PADI4: variants seen among roughly 807,000 people sequenced by gnomAD.
The protein encoded by PADI4 is peptidyl arginine deiminase 4, also known as protein-arginine deiminase type-4.
A neutral mutation model predicts 75.0 loss-of-function variants in PADI4; 62 were observed. That is an observed-to-expected ratio of 0.83 (90% CI 0.67 to 1.02). The LOEUF is 1.02. PADI4 is among the 50% of genes least tolerant of loss of function. The pLI is 0.00. For missense variants in PADI4, 845 were observed against 850.5 expected (o/e 0.99, Z 0.08); for synonymous variants, 361 against 348.1 (o/e 1.04, Z -0.41).
intron 1 of PADI4, among the ~76,000 whole-genome samples, chr1:17,320,228 C>T (rs1226796603): frequency 6.6e-6 from 1 of 151,810 alleles, no homozygotes. Context: ...GCTGCCATCA[C>T]CACAGTTTCC....
At chr1:17,345,793 C>T (rs567652573) in intron 8 of PADI4, among the ~76,000 whole-genome samples, 5 of 152,318 alleles carry the variant, frequency 3.3e-5, no homozygotes, top group Admixed American at 3.3e-4. Flanking sequence ...TCTTTATCAG[C>T]AGCGTGAAAA....
Position 17,358,881 on chromosome 1 carries a change from A to C in PADI4, c.1602A>C (p.Thr534=), listed in dbSNP as rs754388408. The change falls in exon 14 of 16, where the codon ACA becomes ACC. Residue 534 remains threonine, a synonymous_variant. Coordinates refer to ENST00000375448, the MANE Select transcript of PADI4 (RefSeq NM_012387.3). ...TAAAGAACATTCTGTCAAACAAGAC[A>C]TTGAGAGAACATAATTCATTTGTGG... ...QKIKNILSNK[T]LREHNSFVER... The C allele has an allele frequency of 4.4e-6, 7 of 1,608,776 alleles. No homozygotes were observed. The highest frequency in any genetic ancestry group is 5.9e-6 in the Non-Finnish European group (7 of 1,176,992).
chr1:17,314,464 G>A (rs1372699459), intron 1 of PADI4, among the ~76,000 whole-genome samples: 1 of 152,202 alleles, frequency 6.6e-6, no homozygotes, highest in African/African-American at 2.4e-5. Context: ...GAGCCACTGG[G>A]GCATCTCCTG....
chr1:17,363,923 T>G lies in PADI4; in HGVS notation c.*168T>G. On this transcript the variant is annotated 3_prime_UTR_variant, in exon 16 of 16. Coordinates refer to ENST00000375448, the MANE Select transcript of PADI4 (RefSeq NM_012387.3). The stretch of plus-strand genomic sequence containing the variant: ...ATGTCCCAGTTTCCCACTCTGAAGA[T>G]CCCAACATGGTCCTAGCACTGCACA... 8.5e-6 allele frequency: 5 copies of G among 587,906 alleles called. No individual in the cohort carries two copies. Among genetic ancestry groups the G allele is most frequent in the Admixed American group, 3.0e-5 (1 of 33,594 alleles). The allele number at this position is 587,906 out of a possible 1,614,324, so 36.4% of individuals were successfully genotyped here. A position where few individuals can be genotyped will look rare whatever the true frequency, so the allele number is the denominator to read the frequency against.
intron 1 of PADI4, among the ~76,000 whole-genome samples, chr1:17,329,607 G>T (rs533109644): frequency 2.0e-5 from 3 of 152,256 alleles, no homozygotes; most frequent in East Asian, 1.9e-4. Context: ...AGGAAGGGGG[G>T]TTGGTCTTGC....
At position 17,346,457 on chromosome 1, in the gene PADI4, T is replaced by A. The variant is rs2074517921; in HGVS notation, c.1047+318T>A. Among the ~76,000 whole-genome samples the A allele has an allele frequency of 2.0e-5, 3 of 152,082 alleles. No homozygotes were observed. In the East Asian group the frequency reaches 5.8e-4, roughly 29 times the overall value. On this transcript the variant is annotated intron_variant, in intron 9 of 15. Transcript: ENST00000375448. The surrounding 1 kb of genome is among the most constrained non-coding windows in gnomAD (Gnocchi z 4.3). ...AACCAGCCCCTCAAGTGGTCCTCCC[T>A]CCAGGCTGTCCATCTTGGGCCCAGC...
At chr1:17,316,668 A>T (rs6687815) in intron 1 of PADI4, among the ~76,000 whole-genome samples, 13 of 150,442 alleles carry the variant, frequency 8.6e-5, no homozygotes, top group African/African-American at 2.7e-4. Flanking sequence ...CGAGCCTGGG[A>T]GACAGAGTGA....
At chr1:17,349,391 C>T (rs190276532) in intron 10 of PADI4, among the ~76,000 whole-genome samples, 1 of 152,160 alleles carries the variant, frequency 6.6e-6, no homozygotes, top group African/African-American at 2.4e-5. Context: ...CTAAGCACAT[C>T]TGTGTATTCC....
In PADI4 at chr1:17,356,821, G is replaced by C. The variant is rs974405661; in HGVS notation, c.1558+362G>C. 6.6e-6 allele frequency among the ~76,000 whole-genome samples: 1 copy of C among 151,610 alleles called. No homozygotes were observed. The highest frequency in any genetic ancestry group is 2.4e-5 in the African/African-American group (1 of 41,248). Reference sequence around the variant, plus strand: ...AAATGAGAGGAAGAGAGATACCACAGGCAGAGGGACGGGGGTGGGGCGGCT... The same window carrying C: ...AAATGAGAGGAAGAGAGATACCACACGCAGAGGGACGGGGGTGGGGCGGCT... On this transcript the variant is annotated intron_variant, in intron 13 of 15. Transcript: ENST00000375448. The surrounding 1 kb of genome is among the most constrained non-coding windows in gnomAD (Gnocchi z 4.1).
intron 15 of PADI4, among the ~76,000 whole-genome samples, chr1:17,361,679 T>C (rs1313037755): frequency 2.0e-5 from 3 of 152,196 alleles, no homozygotes; most frequent in Non-Finnish European, 4.4e-5. Context: ...AGGGGTGATA[T>C]GACTTGCCTA....
Position 17,340,074 on chromosome 1 carries a change from A to G in PADI4, c.652+261A>G, listed in dbSNP as rs1336354468. ...CGCGCACACACACACACACACACAC[A>G]CACACCTCCTGGTTATAGACTTTGA... is the stretch of plus-strand genomic sequence containing the variant. On this transcript the variant is annotated intron_variant, in intron 6 of 15. Transcript: ENST00000375448. Among the ~76,000 whole-genome samples, 6 of 150,972 alleles carry G rather than the reference A, an allele frequency of 4.0e-5. No individual in the cohort carries two copies. In the South Asian group the frequency reaches 6.3e-4, roughly 16 times the overall value.
Position 17,338,195 on chromosome 1 carries a change from A to G in PADI4, c.526+40A>G, listed in dbSNP as rs116639086. 2.7e-4 allele frequency: 358 copies of G among 1,340,826 alleles called. 1 individual carries two copies. The African/African-American group carries it at 4.8e-3, about 18-fold the overall frequency. The allele number at this position is 1,340,826 out of a possible 1,614,324, so 83.1% of individuals were successfully genotyped here. ...CTAGCTAACGGGAAGGGCTTTTTATAAAGCCCTTTTGCCCACATAGCCTGA... is the reference window on the plus strand; with the variant it reads ...CTAGCTAACGGGAAGGGCTTTTTATGAAGCCCTTTTGCCCACATAGCCTGA... On this transcript the variant is annotated intron_variant, in intron 5 of 15. Coordinates refer to ENST00000375448, the MANE Select transcript of PADI4 (RefSeq NM_012387.3).
chr1:17,330,840 T>G (rs2074197236), intron 1 of PADI4, 129 bp from the exon 2 acceptor site: 2 of 611,634 alleles, frequency 3.3e-6, no homozygotes, highest in Non-Finnish European at 5.5e-6. Context: ...GAAAAAATAC[T>G]TCGCATCTTT....
Position 17,336,272 on chromosome 1 carries a change from C to T in PADI4, c.408+46C>T, listed in dbSNP as rs199747991. ...CCTTTCCTACTTCTACTGGATTCTCCCCGGGCGCCCCCTTGTGGTGATGGG... is the reference window on the plus strand; with the variant it reads ...CCTTTCCTACTTCTACTGGATTCTCTCCGGGCGCCCCCTTGTGGTGATGGG... On this transcript the variant is annotated intron_variant, in intron 4 of 15. Transcript: ENST00000375448. The T allele has an allele frequency of 1.0e-5, 15 of 1,478,400 alleles. No individual in the cohort carries two copies. The East Asian group carries it at 1.4e-4, about 13-fold the overall frequency. 91.6% of individuals were successfully genotyped at this position (1,478,400 alleles called of 1,614,324 possible).
chr1:17,325,804 G>C (rs1396132132), intron 1 of PADI4, among the ~76,000 whole-genome samples: 4 of 151,816 alleles, frequency 2.6e-5, no homozygotes, highest in African/African-American at 9.7e-5. Flanking sequence ...TGCCTCCCAG[G>C]TTCAAACGAT....
At position 17,347,974 on chromosome 1, in the gene PADI4, C is replaced by A. The variant is rs749082163; in HGVS notation, c.1081C>A (p.His361Asn). The change falls in exon 10 of 16, where the codon CAC becomes AAC. Residue 361 changes from histidine to asparagine, a missense_variant. Transcript: ENST00000375448. ...EMEIGYIQAPHKTLPVVFDSP... is the reference protein window; with the variant it reads ...EMEIGYIQAPNKTLPVVFDSP... The stretch of plus-strand genomic sequence containing the variant: ...GGAGATCGGCTACATCCAAGCCCCA[C>A]ACAAAACGCTGCCCGTGGTCTTCGA... The A allele has an allele frequency of 1.2e-6, 2 of 1,604,658 alleles. No individual in the cohort carries two copies. The highest frequency in any genetic ancestry group is 1.7e-6 in the Non-Finnish European group (2 of 1,174,284).
Position 17,331,912 on chromosome 1 carries a change from C to T in PADI4, c.273+763C>T, listed in dbSNP as rs1400925940. The stretch of plus-strand genomic sequence containing the variant: ...CAGCCTGGGTGAAAGAGCAAAACTC[C>T]GTCTCAAAAAAACAAAAGAAAGAAA... On this transcript the variant is annotated intron_variant, in intron 2 of 15. Coordinates refer to ENST00000375448, the MANE Select transcript of PADI4 (RefSeq NM_012387.3). 3.3e-5 allele frequency among the ~76,000 whole-genome samples: 5 copies of T among 152,084 alleles called. No individual in the cohort carries two copies. The East Asian group carries it at 5.8e-4, about 18-fold the overall frequency.
At chr1:17,316,004 C>T (rs1398754547) in intron 1 of PADI4, among the ~76,000 whole-genome samples, 2 of 151,954 alleles carry the variant, frequency 1.3e-5, no homozygotes, top group African/African-American at 4.8e-5. Flanking sequence ...AGGGTGCCTC[C>T]ACCCAGATGG....
intron 5 of PADI4, among the ~76,000 whole-genome samples, chr1:17,338,614 G>A (rs1415849896): frequency 2.0e-5 from 3 of 152,290 alleles, no homozygotes; most frequent in Admixed American, 1.3e-4. Flanking sequence ...ACCAAGGCAC[G>A]GGGAACTTAA....
Sources: gnomAD v4.1 joint callset for allele counts (sites outside exome capture counted in the v4.1 genomes callset) on GRCh38, gnomAD v4.1.1 for gene constraint, Gnocchi (gnomAD v3.1) non-coding constraint, MANE v1.5 for transcripts, NCBI Gene and HGNC (gene_info 2026-07-23, HGNC 2026-07-21) for gene names.